Variants in DDX60 observed in about 807,000 individuals in gnomAD.
The protein encoded by DDX60 is probable ATP-dependent RNA helicase DDX60.
Under a neutral mutation model 212.8 loss-of-function variants are expected in DDX60, and 165 were observed. The ratio of observed to expected loss-of-function variants is 0.78; its 90% CI spans 0.68 to 0.88. The LOEUF (loss-of-function observed/expected upper bound fraction) is 0.88, where lower values mean the gene tolerates loss of function less well. Ranked by LOEUF, DDX60 falls within the 40% of genes least tolerant of loss-of-function variation. The pLI, the probability that DDX60 is intolerant of heterozygous loss-of-function variation, is 0.00. For missense variants in DDX60, 1,905 were observed against 2,003.9 expected (o/e 0.95, Z 0.94); for synonymous variants, 703 against 685.3 (o/e 1.03, Z -0.40).
At chr4:168,243,513 C>T (rs923123656) in intron 30 of DDX60, among the ~76,000 whole-genome samples, 1 of 152,172 alleles carries the variant, frequency 6.6e-6, no homozygotes, top group Non-Finnish European at 1.5e-5. Context: ...AACTCAACAT[C>T]ACCACTCATT....
At chr4:168,238,236 CAAAA>C (rs57638327) in intron 30 of DDX60, among the ~76,000 whole-genome samples, 7,752 of 81,034 alleles carry the variant, frequency 0.096, 440 homozygotes, top group East Asian at 0.26. Flanking sequence ...TATGAAATTC[CAAAA>C]AAAAAAAAAA....
intron 22 of DDX60, chr4:168,263,503 ATGTT>A (rs1734710214): frequency 1.3e-5 from 2 of 152,180 alleles, no homozygotes; most frequent in Non-Finnish European, 2.9e-5. Context: ...TATAGACTGA[ATGTT>A]TGTCTTCCCC....
intron 37 of DDX60, 70 bp downstream of exon 37, chr4:168,220,585 G>C: frequency 1.1e-6 from 1 of 933,014 alleles, no homozygotes; most frequent in Non-Finnish European, 1.6e-6. Context: ...TATAGTAACA[G>C]CTCAACATTT....
At chr4:168,276,401 A>T (rs187863724) in intron 14 of DDX60, among the ~76,000 whole-genome samples, 290 of 152,300 alleles carry the variant, frequency 1.9e-3, no homozygotes, top group Non-Finnish European at 2.8e-3. Context: ...TTGGGAAAAA[A>T]ATTGTAGTTC....
rs151103402 is a variant in DDX60 at position 168,273,864 on chromosome 4, G to A, written c.2454+70C>T. 3.8e-4 allele frequency: 582 copies of A among 1,521,118 alleles called. 3 individuals carry two copies. The African/African-American group carries it at 7.2e-3, about 19-fold the overall frequency. The allele number at this position is 1,521,118 out of a possible 1,614,324, so 94.2% of individuals were successfully genotyped here. A position where few individuals can be genotyped will look rare whatever the true frequency, so the allele number is the denominator to read the frequency against. On this transcript the variant is annotated intron_variant, in intron 17 of 37. Transcript: ENST00000393743. ...ATAAAGTGAACTAGATCTACCATGT[G>A]ACCATGTTCATTATTTTTAAATAGT...
At chr4:168,287,667 T>TA (rs1434485520) in intron 9 of DDX60, among the ~76,000 whole-genome samples, 1 of 152,178 alleles carries the variant, frequency 6.6e-6, no homozygotes, top group Non-Finnish European at 1.5e-5. Context: ...TTCAATCAGT[T>TA]AGAGTTCTGT....
chr4:168,218,477 C>A (rs530729515), intron 37 of DDX60, among the ~76,000 whole-genome samples: 8 of 152,254 alleles, frequency 5.3e-5, no homozygotes, highest in African/African-American at 1.9e-4. Flanking sequence ...TCCCTTAATT[C>A]AGACCTTCAC....
At position 168,237,430 on chromosome 4, in the gene DDX60, A is replaced by T; in HGVS notation, c.4270-3T>A. The T allele has an allele frequency of 6.4e-7, 1 of 1,554,828 alleles. No individual in the cohort carries two copies. Among genetic ancestry groups the T allele is most frequent in the Non-Finnish European group, 8.6e-7 (1 of 1,156,476 alleles). On this transcript the variant is annotated splice_polypyrimidine_tract_variant and splice_region_variant and intron_variant, in intron 31 of 37. Transcript: ENST00000393743. ...TTACCTTCTTGATCTAAATAGCCCT[A>T]AAGAACAAAAAACAATTTATTAGTT...
At chr4:168,291,670 G>A in intron 8 of DDX60, 78 bp downstream of exon 8, 2 of 1,362,552 alleles carry the variant, frequency 1.5e-6, no homozygotes, top group East Asian at 2.5e-5. Context: ...TCCCACATAA[G>A]AGAATTTTGA....
intron 32 of DDX60, 68 bp downstream of exon 32, chr4:168,237,218 T>G (rs7663589): frequency 0.08 from 91,436 of 1,146,134 alleles, 7,666 homozygotes; most frequent in African/African-American, 0.39. Flanking sequence ...TGAAGTGTTG[T>G]TTTTCTACAA....
At chr4:168,226,732 A>T (rs1733268277) in intron 33 of DDX60, among the ~76,000 whole-genome samples, 1 of 152,142 alleles carries the variant, frequency 6.6e-6, no homozygotes, top group Non-Finnish European at 1.5e-5. Context: ...CATTTGCAAC[A>T]ACATGTAAAG....
intron 13 of DDX60, among the ~76,000 whole-genome samples, chr4:168,281,521 T>A (rs989448): frequency 6.6e-6 from 1 of 152,188 alleles, no homozygotes; most frequent in Non-Finnish European, 1.5e-5. Context: ...GATGAGTGAA[T>A]AAGGAAAGAG....
chr4:168,265,054 G>A (rs1189784330), intron 22 of DDX60, among the ~76,000 whole-genome samples: 1 of 152,164 alleles, frequency 6.6e-6, no homozygotes, highest in East Asian at 1.9e-4. Flanking sequence ...TCCTGGGGCT[G>A]ATAGCTCTCC....
chr4:168,260,786 TG>T, intron 25 of DDX60, 78 bp downstream of exon 25: 1 of 1,272,710 alleles, frequency 7.9e-7, no homozygotes, highest in Non-Finnish European at 1.1e-6. Flanking sequence ...GTCTGTGGCC[TG>T]GAGGTTGGGG....
intron 20 of DDX60, 151 bp from the exon 21 acceptor site, chr4:168,268,134 A>G: frequency 1.7e-6 from 1 of 572,382 alleles, no homozygotes; most frequent in Non-Finnish European, 2.9e-6. Flanking sequence ...TTAAATCCCA[A>G]CCTTCTTAGT....
chr4:168,297,305 A>T (rs1196223486), intron 6 of DDX60, among the ~76,000 whole-genome samples: 2 of 12,826 alleles, frequency 1.6e-4, no homozygotes, highest in African/African-American at 6.3e-4. Context: ...GACGAAAGAA[A>T]GAAAGAAAGA....
chr4:168,300,495 A>T (rs1413103736), intron 6 of DDX60, among the ~76,000 whole-genome samples: 1 of 151,910 alleles, frequency 6.6e-6, no homozygotes, highest in Non-Finnish European at 1.5e-5. Flanking sequence ...AGCCGAGATC[A>T]TGCCACTGCA....
chr4:168,218,537 C>T (rs1732931845), intron 37 of DDX60, among the ~76,000 whole-genome samples: 1 of 152,122 alleles, frequency 6.6e-6, no homozygotes, highest in Non-Finnish European at 1.5e-5. Flanking sequence ...CATATTTCTG[C>T]CACATATATA....
chr4:168,318,400 G>T (rs191213151), intron 1 of DDX60, among the ~76,000 whole-genome samples: 1 of 152,172 alleles, frequency 6.6e-6, no homozygotes, highest in Non-Finnish European at 1.5e-5. Flanking sequence ...CAGGCCTTTC[G>T]CGGTTGTCCC....
Sources: allele counts gnomAD v4.1 joint callset (sites outside exome capture counted in the v4.1 genomes callset), GRCh38; gene constraint gnomAD v4.1.1; transcripts MANE v1.5; gene names NCBI Gene and HGNC (gene_info 2026-07-23, HGNC 2026-07-21).